The following PRKCA variants were observed in gnomAD, a reference collection of about 807,000 sequenced individuals.
PRKCA encodes protein kinase C alpha type.
Under a neutral mutation model 87.0 loss-of-function variants are expected in PRKCA, and 27 were observed. The ratio of observed to expected loss-of-function variants is 0.31; its 90% CI spans 0.23 to 0.43. The LOEUF (loss-of-function observed/expected upper bound fraction) is 0.43. Among genes scored for constraint, PRKCA ranks in the 20% least tolerant of loss-of-function variants. The pLI is 1.00. For missense variants in PRKCA, 518 were observed against 852.3 expected (o/e 0.61, Z 4.88); for synonymous variants, 329 against 311.1 (o/e 1.06, Z -0.61).
chr17:66,396,947 ACAAT>A (rs1897561578), intron 2 of PRKCA, among the ~76,000 whole-genome samples: 1 of 147,622 alleles, frequency 6.8e-6, no homozygotes, highest in Non-Finnish European at 1.5e-5. Flanking sequence ...ATTCAGTCAA[ACAAT>A]CAAGACTTTT....
intron 2 of PRKCA, among the ~76,000 whole-genome samples, chr17:66,314,969 ATATGTGTGTATG>A (rs1567767685): frequency 6.6e-6 from 1 of 151,504 alleles, no homozygotes; most frequent in African/African-American, 2.4e-5. Context: ...ATGTGTGTAT[ATATGTGTGTATG>A]TATGTGTATA....
intron 2 of PRKCA, among the ~76,000 whole-genome samples, chr17:66,372,239 T>C (rs1295737403): frequency 2.0e-5 from 3 of 152,240 alleles, no homozygotes; most frequent in African/African-American, 7.2e-5. Context: ...AACACTATTT[T>C]AGTCCAGCGT....
intron 2 of PRKCA, among the ~76,000 whole-genome samples, chr17:66,361,315 A>AT (rs71160562): frequency 0.54 from 78,994 of 146,544 alleles, 22,135 homozygotes; most frequent in Non-Finnish European, 0.65. Context: ...CATACATTAG[A>AT]TTTTTTTTTT....
chr17:66,424,483 C>T (rs1465312872), intron 2 of PRKCA, among the ~76,000 whole-genome samples: 1 of 151,488 alleles, frequency 6.6e-6, no homozygotes, highest in East Asian at 2.0e-4. Context: ...ATGAGAATTG[C>T]TTGAACCCAG....
At chr17:66,707,024 C>G (rs1658931603) in intron 8 of PRKCA, among the ~76,000 whole-genome samples, 1 of 152,136 alleles carries the variant, frequency 6.6e-6, no homozygotes, top group Admixed American at 6.5e-5. Flanking sequence ...CCCAGACCTC[C>G]TGTGTGAGTT....
intron 3 of PRKCA, among the ~76,000 whole-genome samples, chr17:66,504,426 C>G (rs1156611176): frequency 6.6e-6 from 1 of 152,084 alleles, no homozygotes; most frequent in Non-Finnish European, 1.5e-5. Context: ...AACCCCATCT[C>G]TACTAAAAAT....
chr17:66,741,828 CCAGGAGGAA>C (rs1974164879), intron 12 of PRKCA, 107 bp downstream of exon 12: 1 of 1,164,594 alleles, frequency 8.6e-7, no homozygotes, highest in South Asian at 1.5e-5. Flanking sequence ...TGATAACTCC[CCAGGAGGAA>C]CAGAGACCTG....
At chr17:66,681,183 T>G (rs960239678) in intron 5 of PRKCA, among the ~76,000 whole-genome samples, 2 of 152,058 alleles carry the variant, frequency 1.3e-5, no homozygotes, top group East Asian at 3.9e-4. Flanking sequence ...GAGCCAAGAT[T>G]GCGCCACTGC....
intron 2 of PRKCA, among the ~76,000 whole-genome samples, chr17:66,440,292 A>G (rs1913664461): frequency 6.6e-6 from 1 of 152,240 alleles, no homozygotes; most frequent in Non-Finnish European, 1.5e-5. Context: ...TACAGGACGG[A>G]AAGGACTCCT....
At chr17:66,379,778 G>A (rs1909680941) in intron 2 of PRKCA, among the ~76,000 whole-genome samples, 1 of 152,104 alleles carries the variant, frequency 6.6e-6, no homozygotes, top group South Asian at 2.1e-4. Flanking sequence ...TGGCGTCATA[G>A]CCAAGAAACC....
intron 3 of PRKCA, among the ~76,000 whole-genome samples, chr17:66,551,956 A>T (rs1968349787): frequency 6.6e-6 from 1 of 152,192 alleles, no homozygotes; most frequent in South Asian, 2.1e-4. Flanking sequence ...TAAATGCCAA[A>T]TACTATAGAT....
At chr17:66,337,275 T>C (rs1040558905) in intron 2 of PRKCA, among the ~76,000 whole-genome samples, 1 of 152,182 alleles carries the variant, frequency 6.6e-6, no homozygotes, top group Non-Finnish European at 1.5e-5. Context: ...ATATCGTTGG[T>C]GATCCGCTAA....
chr17:66,650,213 A>C (rs1971555791), intron 5 of PRKCA, among the ~76,000 whole-genome samples: 1 of 152,262 alleles, frequency 6.6e-6, no homozygotes, highest in South Asian at 2.1e-4. Context: ...GCTCTGCTTC[A>C]GGATGGAAAC....
chr17:66,781,761 T>C (rs1975220814), intron 14 of PRKCA, among the ~76,000 whole-genome samples: 4 of 151,654 alleles, frequency 2.6e-5, no homozygotes. Flanking sequence ...GTTCTGGAGA[T>C]GGCCAGTGGT....
intron 8 of PRKCA, among the ~76,000 whole-genome samples, chr17:66,723,149 A>G (rs964023967): frequency 1.7e-5 from 2 of 119,192 alleles, no homozygotes; most frequent in Non-Finnish European, 3.5e-5. Context: ...GTAGCCTCAC[A>G]CATCTCTGCA....
chr17:66,315,495 T>TC (rs1905270390), intron 2 of PRKCA, among the ~76,000 whole-genome samples: 2 of 131,144 alleles, frequency 1.5e-5, no homozygotes, highest in African/African-American at 5.6e-5. Flanking sequence ...TTTTTTTTTT[T>TC]CTGAGACGGA....
At chr17:66,609,290 A>G (rs191777810) in intron 3 of PRKCA, among the ~76,000 whole-genome samples, 1 of 152,134 alleles carries the variant, frequency 6.6e-6, no homozygotes, top group East Asian at 1.9e-4. Flanking sequence ...CTTTTCAAAC[A>G]TAGGTTACGG....
intron 3 of PRKCA, among the ~76,000 whole-genome samples, chr17:66,571,528 C>T (rs1044293696): frequency 6.6e-6 from 1 of 152,044 alleles, no homozygotes; most frequent in Non-Finnish European, 1.5e-5. Flanking sequence ...TTGGTGGAAC[C>T]TTTAGTCAAA....
chr17:66,322,510 T>C (rs560090552), intron 2 of PRKCA, among the ~76,000 whole-genome samples: 2 of 152,272 alleles, frequency 1.3e-5, no homozygotes, highest in African/African-American at 4.8e-5. Flanking sequence ...TCATCCAGGC[T>C]AGAGTGCAGT....
Sources: allele counts gnomAD v4.1 joint callset (sites outside exome capture counted in the v4.1 genomes callset), GRCh38; gene constraint gnomAD v4.1.1; transcripts MANE v1.5; gene names NCBI Gene and HGNC (gene_info 2026-07-23, HGNC 2026-07-21).